TAFA5: variants seen among roughly 807,000 people sequenced by gnomAD.
The protein encoded by TAFA5 is TAFA chemokine like family member 5.
In TAFA5, 6 loss-of-function variants were observed where a neutral mutation model predicts 15.3. That is an observed-to-expected ratio of 0.39 (90% CI 0.21 to 0.77). The LOEUF (loss-of-function observed/expected upper bound fraction) is 0.77, where lower values mean the gene tolerates loss of function less well. Among genes scored for constraint, TAFA5 ranks in the 30% least tolerant of loss-of-function variants. TAFA5 has a pLI of 0.41. For synonymous variants in TAFA5, 103 were observed against 80.7 expected (o/e 1.28, Z -1.48); for missense variants, 161 against 193.1 (o/e 0.83, Z 0.98).
chr22:48,632,322 A>G (rs2147190288), intron 1 of TAFA5, among the ~76,000 whole-genome samples: 1 of 152,282 alleles, frequency 6.6e-6, no homozygotes, highest in South Asian at 2.1e-4. Flanking sequence ...GATTTTACAC[A>G]GTGAGAAACC....
chr22:48,599,462 G>A (rs1054312727), intron 1 of TAFA5, among the ~76,000 whole-genome samples: 4 of 152,204 alleles, frequency 2.6e-5, no homozygotes, highest in Non-Finnish European at 5.9e-5. Context: ...CAGGATGCTG[G>A]TTGTGGGCAG....
chr22:48,602,865 A>C (rs146861643), intron 1 of TAFA5, among the ~76,000 whole-genome samples: 4 of 152,140 alleles, frequency 2.6e-5, no homozygotes, highest in Admixed American at 6.5e-5. Context: ...TTGGTGTCAC[A>C]TGGGGCCATT....
intron 1 of TAFA5, among the ~76,000 whole-genome samples, chr22:48,579,128 G>A (rs76858189): frequency 9.1e-5 from 7 of 76,520 alleles, no homozygotes; most frequent in East Asian, 3.1e-4. Flanking sequence ...TGGCTAATCC[G>A]TCCCCCCCTG....
At chr22:48,606,850 T>C (rs28601004) in intron 1 of TAFA5, among the ~76,000 whole-genome samples, 19,393 of 152,096 alleles carry the variant, frequency 0.13, 1,326 homozygotes, top group African/African-American at 0.17. Flanking sequence ...GACGCTGGGG[T>C]TCTGAGCCAG....
intron 2 of TAFA5, among the ~76,000 whole-genome samples, chr22:48,706,801 A>G (rs138081710): frequency 6.6e-6 from 1 of 152,192 alleles, no homozygotes; most frequent in Non-Finnish European, 1.5e-5. Context: ...AGAAATGACT[A>G]ATCGTTCTTT....
intron 2 of TAFA5, among the ~76,000 whole-genome samples, chr22:48,701,519 G>A (rs130132): frequency 0.26 from 39,110 of 152,104 alleles, 5,286 homozygotes; most frequent in East Asian, 0.43. Flanking sequence ...CCAGGCCTTT[G>A]TGTAGATGGG....
At chr22:48,517,860 G>C (rs1162319389) in intron 1 of TAFA5, among the ~76,000 whole-genome samples, 5 of 152,210 alleles carry the variant, frequency 3.3e-5, no homozygotes, top group African/African-American at 1.2e-4. Context: ...ACGGCCGGGT[G>C]GGGGTGAGGT....
intron 1 of TAFA5, among the ~76,000 whole-genome samples, chr22:48,601,765 G>A (rs893680720): frequency 4.6e-5 from 7 of 152,072 alleles, no homozygotes; most frequent in Admixed American, 6.6e-5. Context: ...ACAAGTGCAC[G>A]CCTGCATGCA....
chr22:48,493,670 G>T (rs1165271676), intron 1 of TAFA5, among the ~76,000 whole-genome samples: 2 of 151,712 alleles, frequency 1.3e-5, no homozygotes, highest in African/African-American at 4.8e-5. Flanking sequence ...TGGGATGTTT[G>T]TTTTTTTTCA....
At chr22:48,617,660 G>A (rs571999239) in intron 1 of TAFA5, among the ~76,000 whole-genome samples, 6 of 152,326 alleles carry the variant, frequency 3.9e-5, no homozygotes, top group Non-Finnish European at 5.9e-5. Flanking sequence ...CTGTCTCCGC[G>A]TCTATCTCCT....
intron 1 of TAFA5, among the ~76,000 whole-genome samples, chr22:48,623,071 C>T (rs1247102411): frequency 6.6e-6 from 1 of 152,278 alleles, no homozygotes; most frequent in East Asian, 1.9e-4. Context: ...GAGCTCGGCC[C>T]TGCAGCAATG....
chr22:48,580,060 C>CGG (rs1923976021), intron 1 of TAFA5, among the ~76,000 whole-genome samples: 1 of 152,192 alleles, frequency 6.6e-6, no homozygotes, highest in Admixed American at 6.5e-5. Flanking sequence ...GTCCAGCGGC[C>CGG]GCGGCACGGT....
At chr22:48,674,961 G>A (rs1379905700) in intron 2 of TAFA5, among the ~76,000 whole-genome samples, 1 of 147,532 alleles carries the variant, frequency 6.8e-6, no homozygotes, top group Non-Finnish European at 1.5e-5. Context: ...TTTTTTTTGA[G>A]ATGGAGTCTC....
intron 1 of TAFA5, among the ~76,000 whole-genome samples, chr22:48,495,159 C>A (rs747071878): frequency 1.3e-5 from 2 of 152,232 alleles, no homozygotes; most frequent in Non-Finnish European, 2.9e-5. Flanking sequence ...TTTGGAGGGG[C>A]CTGGCTCTGC....
intron 2 of TAFA5, among the ~76,000 whole-genome samples, chr22:48,705,493 G>T (rs895070654): frequency 1.4e-4 from 21 of 152,210 alleles, no homozygotes; most frequent in African/African-American, 5.1e-4. Context: ...TGACCCCAGG[G>T]CCTGTGCCCT....
In TAFA5 at chr22:48,598,557, T is replaced by C. The variant is rs1317842995; in HGVS notation, c.113-48040T>C. 6.6e-6 allele frequency among the ~76,000 whole-genome samples: 1 copy of C among 152,160 alleles called. No individual in the cohort carries two copies. The highest frequency in any genetic ancestry group is 1.5e-5 in the Non-Finnish European group (1 of 68,026). ...CTGCATCTTAGGCAGTTGTGTGAGA[T>C]GACCTCCATGTAGGCTGCCATGGTG... On this transcript the variant is annotated intron_variant, in intron 1 of 3. Coordinates refer to ENST00000402357, the MANE Select transcript of TAFA5 (RefSeq NM_001082967.3). The surrounding 1 kb of genome is among the most constrained non-coding windows in gnomAD (Gnocchi z 4.0).
At position 48,682,529 on chromosome 22, in the gene TAFA5, C is replaced by G. The variant is rs1192044460; in HGVS notation, c.263-25188C>G. 2.0e-5 allele frequency among the ~76,000 whole-genome samples: 3 copies of G among 152,234 alleles called. No individual in the cohort carries two copies. The East Asian group carries it at 5.8e-4, about 29-fold the overall frequency. ...AAAAGAGGTCTTCTTGACATCCTTA[C>G]CAGCGGTTGGTCAACTGTCCCACAA... On this transcript the variant is annotated intron_variant, in intron 2 of 3. Coordinates refer to ENST00000402357, the MANE Select transcript of TAFA5 (RefSeq NM_001082967.3).
In TAFA5 at chr22:48,618,501, C is replaced by T. The variant is rs531023012; in HGVS notation, c.113-28096C>T. Among the ~76,000 whole-genome samples, 51 of 152,342 alleles carry T rather than the reference C, an allele frequency of 3.3e-4. No homozygotes were observed. The South Asian group carries it at 3.7e-3, about 11-fold the overall frequency. ...GATGGCTTTGCCTGGTGTTGGGTAACGGATTGGCGTTGTTTCATATTCATC... is the reference window on the plus strand; with the variant it reads ...GATGGCTTTGCCTGGTGTTGGGTAATGGATTGGCGTTGTTTCATATTCATC... On this transcript the variant is annotated intron_variant, in intron 1 of 3. Coordinates refer to ENST00000402357, the MANE Select transcript of TAFA5 (RefSeq NM_001082967.3).
chr22:48,727,960 C>G (rs1242625026), intron 3 of TAFA5, among the ~76,000 whole-genome samples: 1 of 152,096 alleles, frequency 6.6e-6, no homozygotes, highest in Non-Finnish European at 1.5e-5. Context: ...ATTATATGAT[C>G]AGAAACAATT....
Sources: gnomAD v4.1 joint callset for allele counts (sites outside exome capture counted in the v4.1 genomes callset) on GRCh38, gnomAD v4.1.1 for gene constraint, Gnocchi (gnomAD v3.1) non-coding constraint, MANE v1.5 for transcripts, NCBI Gene and HGNC (gene_info 2026-07-23, HGNC 2026-07-21) for gene names.